Variants in ATF7IP observed in about 807,000 individuals in gnomAD.
ATF7IP encodes the protein activating transcription factor 7 interacting protein, also known as activating transcription factor 7-interacting protein 1.
In ATF7IP, 23 loss-of-function variants were observed where a neutral mutation model predicts 106.4. The ratio of observed to expected loss-of-function variants is 0.22; its 90% CI spans 0.16 to 0.31. ATF7IP has a LOEUF of 0.31. Among genes scored for constraint, ATF7IP ranks in the 10% least tolerant of loss-of-function variants. ATF7IP has a pLI of 1.00. For synonymous variants in ATF7IP, 542 were observed against 539.0 expected, an observed-to-expected ratio of 1.01 and a Z score of -0.08; for missense variants, 1,334 against 1,524.3, an observed-to-expected ratio of 0.88 and a Z score of 2.08.
intron 5 of ATF7IP, among the ~76,000 whole-genome samples, chr12:14,440,276 C>G (rs2136637891): frequency 6.6e-6 from 1 of 152,300 alleles, no homozygotes; most frequent in South Asian, 2.1e-4. Context: ...TATGAGCACT[C>G]TGGTACTAGT....
rs776123277 is a variant in ATF7IP, at chr12:14,488,460, C to T, written c.3280+7275C>T. ...AGGCTAAGCCTGTCTCTCCTTTTCA[C>T]GTTTTTCTGCCTGCTTTATATTTGT... On this transcript the variant is annotated intron_variant, in intron 13 of 14. Transcript: ENST00000261168. 8.5e-5 allele frequency among the ~76,000 whole-genome samples: 13 copies of T among 152,090 alleles called. No homozygotes were observed. The East Asian group carries it at 9.6e-4, about 11-fold the overall frequency.
At chr12:14,474,343 C>A (rs1248073383) in intron 10 of ATF7IP, among the ~76,000 whole-genome samples, 1 of 144,372 alleles carries the variant, frequency 6.9e-6, no homozygotes, top group Non-Finnish European at 1.5e-5. Flanking sequence ...TTTTCAGTTT[C>A]TTTTTCTCTT....
intron 13 of ATF7IP, among the ~76,000 whole-genome samples, chr12:14,494,302 T>TATATATATATAC (rs1454607945): frequency 1.3e-5 from 1 of 79,360 alleles, no homozygotes; most frequent in Non-Finnish European, 2.3e-5. Flanking sequence ...TATATATATA[T>TATATATATATAC]ATATATATAT....
chr12:14,374,887 C>T (rs577297958), intron 1 of ATF7IP, among the ~76,000 whole-genome samples: 4 of 152,002 alleles, frequency 2.6e-5, no homozygotes, highest in Non-Finnish European at 5.9e-5. Context: ...GGCATTTATT[C>T]CTTTCCACTT....
chr12:14,436,679 A>C (rs1036433004), intron 4 of ATF7IP, among the ~76,000 whole-genome samples: 1 of 152,282 alleles, frequency 6.6e-6, no homozygotes, highest in Middle Eastern at 3.4e-3. Context: ...GTGACAGAGC[A>C]AGACTCCATC....
chr12:14,378,945 T>C (rs2136407031), intron 1 of ATF7IP, among the ~76,000 whole-genome samples: 1 of 152,344 alleles, frequency 6.6e-6, no homozygotes, highest in Non-Finnish European at 1.5e-5. Flanking sequence ...CACATTTAGT[T>C]CTTGAGTGTC....
At chr12:14,409,011 A>T (rs185980595) in intron 1 of ATF7IP, among the ~76,000 whole-genome samples, 4 of 152,220 alleles carry the variant, frequency 2.6e-5, no homozygotes, top group Admixed American at 2.6e-4. Context: ...TCAGAAGCAC[A>T]TCATCATGAT....
At chr12:14,379,435 A>G (rs1436121877) in intron 1 of ATF7IP, among the ~76,000 whole-genome samples, 2 of 152,220 alleles carry the variant, frequency 1.3e-5, no homozygotes, top group African/African-American at 4.8e-5. Flanking sequence ...CAATGCAAGA[A>G]TGAACTAATA....
chr12:14,472,062 T>A (rs1173804127), intron 10 of ATF7IP, among the ~76,000 whole-genome samples: 1 of 152,184 alleles, frequency 6.6e-6, no homozygotes, highest in African/African-American at 2.4e-5. Context: ...CCATATTTAT[T>A]TTTTAAAGCC....
intron 10 of ATF7IP, among the ~76,000 whole-genome samples, chr12:14,474,894 T>C (rs1944203436): frequency 6.6e-6 from 1 of 152,210 alleles, no homozygotes; most frequent in Non-Finnish European, 1.5e-5. Context: ...TCTTTTAGTT[T>C]GGGATTTTAT....
In ATF7IP at chr12:14,385,195, C is replaced by T. The variant is rs542423144; in HGVS notation, c.-8+19368C>T. On this transcript the variant is annotated intron_variant, in intron 1 of 14. Transcript: ENST00000261168. The stretch of plus-strand genomic sequence containing the variant: ...TTGTCTATGTTCAGTTTCCTGCAGG[C>T]TGACAAAGTGGGAGGGGCTTTGTTT... 155 of 491,792 alleles carry T rather than the reference C, an allele frequency of 3.2e-4. 4 individuals are homozygous for T. In the South Asian group the frequency reaches 5.8e-3, roughly 18 times the overall value. 30.5% of individuals were successfully genotyped at this position (491,792 alleles called of 1,614,324 possible). A position where few individuals can be genotyped will look rare whatever the true frequency, so the allele number is the denominator to read the frequency against.
intron 1 of ATF7IP, among the ~76,000 whole-genome samples, chr12:14,386,423 C>T (rs1387493701): frequency 6.6e-6 from 1 of 152,048 alleles, no homozygotes; most frequent in Admixed American, 6.6e-5. Context: ...GTATAATATA[C>T]TCCTGGTTTT....
intron 10 of ATF7IP, among the ~76,000 whole-genome samples, chr12:14,469,321 T>C (rs1323484797): frequency 7.6e-6 from 1 of 130,894 alleles, no homozygotes; most frequent in Admixed American, 9.3e-5. Context: ...GCCAAGATAA[T>C]GCCACTGCAT....
At chr12:14,409,751 A>G (rs1463735844) in intron 1 of ATF7IP, among the ~76,000 whole-genome samples, 2 of 152,094 alleles carry the variant, frequency 1.3e-5, no homozygotes. Context: ...AATCACAGAT[A>G]CACTTGTTGG....
chr12:14,456,823 T>C (rs1943445959), intron 7 of ATF7IP, among the ~76,000 whole-genome samples, 189 bp downstream of exon 7: 2 of 151,824 alleles, frequency 1.3e-5, no homozygotes, highest in African/African-American at 2.4e-5. Flanking sequence ...TGCTAACTTA[T>C]TATAAGGCAT....
At chr12:14,439,128 A>C (rs1942570595) in intron 5 of ATF7IP, among the ~76,000 whole-genome samples, 1 of 152,202 alleles carries the variant, frequency 6.6e-6, no homozygotes, top group Non-Finnish European at 1.5e-5. Context: ...AGCACACAGT[A>C]GTGTGCTGTA....
In ATF7IP at chr12:14,390,718, C is replaced by T. The variant is rs1939498817; in HGVS notation, c.-8+24891C>T. On this transcript the variant is annotated intron_variant, in intron 1 of 14. Transcript: ENST00000261168. ...ACCGTACACTAGATTAGATAATGGCCGTTAGGCCATTACAAACTTTATTTT... is the reference window on the plus strand; with the variant it reads ...ACCGTACACTAGATTAGATAATGGCTGTTAGGCCATTACAAACTTTATTTT... Among the ~76,000 whole-genome samples, 3 of 152,034 alleles carry T rather than the reference C, an allele frequency of 2.0e-5. No individual in the cohort carries two copies. The South Asian group carries it at 6.2e-4, about 32-fold the overall frequency.
chr12:14,481,484 T>C, intron 13 of ATF7IP: 1 of 453,260 alleles, frequency 2.2e-6, no homozygotes, highest in Non-Finnish European at 4.0e-6. Context: ...TTCTGCAGTG[T>C]ATGCATATTT....
chr12:14,478,147 A>G (rs552384310), intron 11 of ATF7IP, among the ~76,000 whole-genome samples, 170 bp from the exon 12 acceptor site: 2 of 152,352 alleles, frequency 1.3e-5, no homozygotes, highest in African/African-American at 4.8e-5. Context: ...CTCTTAACTC[A>G]GTTTTCAAAT....
Sources: allele counts gnomAD v4.1 joint callset (sites outside exome capture counted in the v4.1 genomes callset), GRCh38; gene constraint gnomAD v4.1.1; transcripts MANE v1.5; gene names NCBI Gene and HGNC (gene_info 2026-07-23, HGNC 2026-07-21).